Variants in SRGAP1 observed in about 807,000 individuals in gnomAD.
The protein encoded by SRGAP1 is SLIT-ROBO Rho GTPase activating protein 1, also known as SLIT-ROBO Rho GTPase-activating protein 1.
A neutral mutation model predicts 121.9 loss-of-function variants in SRGAP1; 43 were observed. That is an observed-to-expected ratio of 0.35 (90% CI 0.28 to 0.46). SRGAP1 has a LOEUF of 0.46. Ranked by LOEUF, SRGAP1 falls within the 20% of genes least tolerant of loss-of-function variation. The pLI is 1.00. For synonymous variants in SRGAP1, 447 were observed against 485.4 expected, an observed-to-expected ratio of 0.92 and a Z score of 1.04; for missense variants, 1,102 against 1,350.9, an observed-to-expected ratio of 0.82 and a Z score of 2.89.
chr12:63,890,740 G>A (rs1301654184), intron 1 of SRGAP1, among the ~76,000 whole-genome samples: 1 of 152,154 alleles, frequency 6.6e-6, no homozygotes, highest in African/African-American at 2.4e-5. Flanking sequence ...TCTTCACCTG[G>A]GTTTCTGCAG....
At chr12:63,849,869 A>C (rs768021780) in intron 1 of SRGAP1, among the ~76,000 whole-genome samples, 2 of 152,190 alleles carry the variant, frequency 1.3e-5, no homozygotes, top group African/African-American at 2.4e-5. Flanking sequence ...GCGATAATTC[A>C]CTTGTAGATT....
chr12:63,928,264 G>A (rs561247902), intron 1 of SRGAP1, among the ~76,000 whole-genome samples: 1 of 152,084 alleles, frequency 6.6e-6, no homozygotes, highest in Non-Finnish European at 1.5e-5. Flanking sequence ...AAATTGTTTG[G>A]CATTTTCTTA....
intron 4 of SRGAP1, among the ~76,000 whole-genome samples, chr12:64,018,391 T>C (rs563745133): frequency 2.0e-5 from 3 of 152,262 alleles, no homozygotes; most frequent in African/African-American, 4.8e-5. Flanking sequence ...GAGCCTGGCC[T>C]GAATTGTTTT....
intron 1 of SRGAP1, among the ~76,000 whole-genome samples, chr12:63,879,813 G>C (rs1900135818): frequency 6.6e-6 from 1 of 152,166 alleles, no homozygotes; most frequent in Non-Finnish European, 1.5e-5. Flanking sequence ...ATGTTCAACA[G>C]CTTCCCTCCC....
intron 17 of SRGAP1, among the ~76,000 whole-genome samples, chr12:64,114,664 T>A (rs1387348050): frequency 6.6e-6 from 1 of 152,196 alleles, no homozygotes; most frequent in Non-Finnish European, 1.5e-5. Context: ...TTAGCATTTT[T>A]AAATATTAGG....
At chr12:63,877,436 A>G (rs1299772831) in intron 1 of SRGAP1, among the ~76,000 whole-genome samples, 1 of 152,288 alleles carries the variant, frequency 6.6e-6, no homozygotes, top group Non-Finnish European at 1.5e-5. Flanking sequence ...GGAAAATACA[A>G]TTCACATTAG....
Position 64,127,681 on chromosome 12 carries a change from A to G in SRGAP1, c.2497A>G (p.Met833Val). Residue 833 changes from methionine to valine, a missense_variant, in exon 20 of 22, where the codon ATG (methionine) becomes GTG (valine). By Grantham distance (21) the Met-to-Val change is conservative (BLOSUM62 1). Coordinates refer to ENST00000355086, the MANE Select transcript of SRGAP1 (RefSeq NM_020762.4). ...GGAAGACAAGTCCTCATCCAAGGAC[A>G]TGAACTCCCCGACAGACCGTCATCC... ...VTEDKSSSKD[M>V]NSPTDRHPDG... is the part of the protein sequence containing the mutation. 5.6e-6 allele frequency: 9 copies of G among 1,614,190 alleles called. No individual in the cohort carries two copies. Among genetic ancestry groups the G allele is most frequent in the South Asian group, 2.2e-5 (2 of 91,082 alleles).
Position 64,147,094 on chromosome 12 carries a change from A to G in SRGAP1, c.*4422A>G, listed in dbSNP as rs918731545. Reference sequence around the variant, plus strand: ...TTCAGTGTGTAGTGTGATGGTTATTATAGATATTTAAAGTATAGTAAGTGG... The same window carrying G: ...TTCAGTGTGTAGTGTGATGGTTATTGTAGATATTTAAAGTATAGTAAGTGG... On this transcript the variant is annotated 3_prime_UTR_variant, in exon 22 of 22. Transcript: ENST00000355086. The G allele has an allele frequency of 6.1e-6, 1 of 164,214 alleles. No individual in the cohort carries two copies. Among genetic ancestry groups the G allele is most frequent in the Non-Finnish European group, 1.3e-5 (1 of 76,548 alleles). The allele number at this position is 164,214 out of a possible 1,614,324, so 10.2% of individuals were successfully genotyped here.
chr12:64,079,388 C>T (rs753290198), intron 9 of SRGAP1, among the ~76,000 whole-genome samples: 3 of 151,772 alleles, frequency 2.0e-5, no homozygotes, highest in South Asian at 2.1e-4. Context: ...CCAACACTTG[C>T]GAGGCTGAGG....
chr12:64,072,148 G>GTGTGTGT (rs1555171583), intron 8 of SRGAP1, among the ~76,000 whole-genome samples: 83 of 52,890 alleles, frequency 1.6e-3, no homozygotes, highest in Non-Finnish European at 3.3e-3. Flanking sequence ...GTGTGTGTGT[G>GTGTGTGT]GGCGGCGGGG....
intron 4 of SRGAP1, among the ~76,000 whole-genome samples, chr12:64,035,676 G>A (rs748252614): frequency 9.9e-5 from 15 of 152,056 alleles, no homozygotes; most frequent in Admixed American, 3.3e-4. Flanking sequence ...CTTTGCAGTC[G>A]CCTCCAAGGC....
chr12:64,044,072 A>G (rs1020150270), intron 6 of SRGAP1, among the ~76,000 whole-genome samples: 2 of 152,216 alleles, frequency 1.3e-5, no homozygotes, highest in African/African-American at 4.8e-5. Flanking sequence ...TAGAGTGCAC[A>G]TAAGTGACAT....
chr12:63,864,020 C>CTGTT (rs1260394072), intron 1 of SRGAP1, among the ~76,000 whole-genome samples: 1 of 152,216 alleles, frequency 6.6e-6, no homozygotes, highest in East Asian at 1.9e-4. Flanking sequence ...AGGTTTTAGT[C>CTGTT]TGTTTATATT....
chr12:63,954,683 A>AAAAAAAAAAAGAAAAAG (rs1389261361), intron 1 of SRGAP1, among the ~76,000 whole-genome samples: 2 of 147,796 alleles, frequency 1.4e-5, no homozygotes, highest in African/African-American at 5.1e-5. Context: ...ATCTCAAAAA[A>AAAAAAAAAAAGAAAAAG]AAAAAAAAAG....
intron 4 of SRGAP1, among the ~76,000 whole-genome samples, chr12:64,023,986 G>A (rs967757028): frequency 6.6e-6 from 1 of 152,106 alleles, no homozygotes; most frequent in Non-Finnish European, 1.5e-5. Flanking sequence ...CAGAGGAGGT[G>A]GTAGGAGGAG....
intron 4 of SRGAP1, among the ~76,000 whole-genome samples, chr12:64,038,182 A>G (rs1465842290): frequency 6.6e-6 from 1 of 152,332 alleles, no homozygotes; most frequent in African/African-American, 2.4e-5. Flanking sequence ...GAAGGATTAA[A>G]TATGTTATTC....
chr12:63,983,843 TATATATA>T (rs2033339715), intron 1 of SRGAP1, 97 bp from the exon 2 acceptor site: 1 of 105,542 alleles, frequency 9.5e-6, no homozygotes, highest in African/African-American at 4.3e-5. Flanking sequence ...TATATATATA[TATATATA>T]TATATTTATA....
chr12:64,038,868 T>C (rs2034952569), intron 4 of SRGAP1: 1 of 152,244 alleles, frequency 6.6e-6, no homozygotes, highest in African/African-American at 2.4e-5. Flanking sequence ...TACATGGCTA[T>C]ATGCCTGTCA....
intron 6 of SRGAP1, among the ~76,000 whole-genome samples, chr12:64,058,834 G>A (rs918714056): frequency 1.3e-5 from 2 of 151,580 alleles, no homozygotes; most frequent in African/African-American, 2.4e-5. Flanking sequence ...AAAAGATTCA[G>A]TGACTAGCCT....
Sources: allele counts gnomAD v4.1 joint callset (sites outside exome capture counted in the v4.1 genomes callset), GRCh38; gene constraint gnomAD v4.1.1; transcripts MANE v1.5; gene names NCBI Gene and HGNC (gene_info 2026-07-23, HGNC 2026-07-21).